Variants in STON1 observed in about 807,000 individuals in gnomAD.
STON1 encodes the protein stonin-1.
In STON1, 79 loss-of-function variants were observed where a neutral mutation model predicts 60.9. The ratio of observed to expected loss-of-function variants is 1.30; its 90% CI spans 1.08 to 1.56. The LOEUF (loss-of-function observed/expected upper bound fraction) is 1.56. STON1 is among the 40% of genes most tolerant of loss of function. STON1 has a pLI of 0.00. For synonymous variants in STON1, 363 were observed against 306.9 expected (o/e 1.18, Z -1.91); for missense variants, 1,166 against 858.9 (o/e 1.36, Z -4.47).
At chr2:48,583,875 C>CG (rs961371337) in intron 2 of STON1, among the ~76,000 whole-genome samples, 55 of 151,922 alleles carry the variant, frequency 3.6e-4, no homozygotes, top group Non-Finnish European at 6.6e-4. Context: ...CCTCAGCCTC[C>CG]GGAGTAGCTG....
intron 2 of STON1, among the ~76,000 whole-genome samples, chr2:48,588,381 A>T (rs1024004444): frequency 6.6e-6 from 1 of 152,192 alleles, no homozygotes; most frequent in Non-Finnish European, 1.5e-5. Context: ...CGAAAATGGA[A>T]ACTGAATGAA....
intron 2 of STON1, among the ~76,000 whole-genome samples, chr2:48,588,685 T>C (rs1300958119): frequency 1.3e-5 from 2 of 152,222 alleles, no homozygotes; most frequent in African/African-American, 4.8e-5. Context: ...TATGTTCTAA[T>C]TATAAAACTT....
intron 1 of STON1, among the ~76,000 whole-genome samples, chr2:48,566,393 C>G (rs1413122332): frequency 2.6e-5 from 4 of 152,180 alleles, no homozygotes; most frequent in Non-Finnish European, 4.4e-5. Flanking sequence ...TCAGGCTGGT[C>G]TCGATCTTCT....
chr2:48,593,520 C>A (rs1328569152), intron 3 of STON1, among the ~76,000 whole-genome samples: 1 of 152,230 alleles, frequency 6.6e-6, no homozygotes, highest in African/African-American at 2.4e-5. Context: ...CTGTCTTTCA[C>A]ATGAGCAACA....
intron 1 of STON1, among the ~76,000 whole-genome samples, chr2:48,533,391 GAAAA>G (rs890517590): frequency 1.4e-5 from 2 of 147,824 alleles, no homozygotes; most frequent in Non-Finnish European, 3.0e-5. Context: ...GAAAAGAAAA[GAAAA>G]AAAAAGATGT....
At position 48,581,625 on chromosome 2, in the gene STON1, C is replaced by G; in HGVS notation, c.992C>G (p.Ser331Cys). 1.2e-6 allele frequency: 2 copies of G among 1,614,186 alleles called. No individual in the cohort carries two copies. The highest frequency in any genetic ancestry group is 2.2e-5 in the East Asian group (1 of 44,894). Residue 331 changes from serine (S) to cysteine (C), a missense_variant, in exon 2 of 4, where the codon TCT becomes TGT. Ser to Cys is a moderately radical substitution (Grantham distance 112, BLOSUM62 -1). Coordinates refer to ENST00000404752, the MANE Select transcript of STON1 (RefSeq NM_006873.4). ...EIQLDPYCRLSEPKVENFSVA... is the reference protein window; with the variant it reads ...EIQLDPYCRLCEPKVENFSVA... ...CAGCTTGATCCATATTGTAGGCTTT[C>G]TGAACCCAAGGTTGAGAACTTCAGT...
rs187808867 is a variant in STON1 at position 48,597,944 on chromosome 2, G to A, written c.*2642G>A. 5.9e-5 allele frequency: 9 copies of A among 152,192 alleles called. No individual in the cohort carries two copies. Among genetic ancestry groups the A allele is most frequent in the Non-Finnish European group, 1.2e-4 (8 of 68,010 alleles). 9.4% of individuals were successfully genotyped at this position (152,192 alleles called of 1,614,324 possible). A position where few individuals can be genotyped will look rare whatever the true frequency, so the allele number is the denominator to read the frequency against. ...ACCCTTGCTTTTAGGGGAGGGAAGC[G>A]GGGAAGGAAAGGAATGAGGGAGGAA... On this transcript the variant is annotated 3_prime_UTR_variant, in exon 4 of 4. Coordinates refer to ENST00000404752, the MANE Select transcript of STON1 (RefSeq NM_006873.4).
chr2:48,533,613 G>C (rs1317790143), intron 1 of STON1, among the ~76,000 whole-genome samples: 2 of 129,784 alleles, frequency 1.5e-5, no homozygotes, highest in Admixed American at 1.8e-4. Context: ...AGGGAGCCAA[G>C]ATTGTGCCAC....
intron 2 of STON1, among the ~76,000 whole-genome samples, chr2:48,587,379 A>G (rs1674270905): frequency 6.6e-6 from 1 of 151,960 alleles, no homozygotes; most frequent in African/African-American, 2.4e-5. Context: ...TGCAACCTCC[A>G]CCTCCTGTGT....
chr2:48,595,314 G>GT lies in STON1; in HGVS notation c.*15dup. 6.2e-7 allele frequency: 1 copy of GT among 1,609,630 alleles called. No individual in the cohort carries two copies. The highest frequency in any genetic ancestry group is 8.5e-7 in the Non-Finnish European group (1 of 1,176,124). On this transcript the variant is annotated 3_prime_UTR_variant, in exon 4 of 4. Transcript: ENST00000404752. ...GCATAACTCAGTAGGAGTAGCAAGA[G>GT]TTTATGATGACAGCCCACTTGTCAA...
In STON1 at chr2:48,581,144, C is replaced by A. The variant is rs202246718; in HGVS notation, c.511C>A (p.Pro171Thr). The change falls in exon 2 of 4, where the codon CCC becomes ACC. Residue 171 changes from proline (P) to threonine (T), a missense_variant. Transcript: ENST00000404752. The stretch of plus-strand genomic sequence containing the variant: ...CCTAGGATTCCAAAGTGATGATCTC[C>A]CCCAGTTTCAGTATTTTCGAGAGGA... The part of the protein sequence containing the change: ...ESLGFQSDDL[P>T]QFQYFREDCA... The A allele has an allele frequency of 5.8e-5, 91 of 1,569,488 alleles. No homozygotes were observed. The highest frequency in any genetic ancestry group is 1.4e-5 in the African/African-American group (1 of 72,876).
chr2:48,530,630 T>C, intron 1 of STON1: 1 of 153,184 alleles, frequency 6.5e-6, no homozygotes, highest in Non-Finnish European at 1.5e-5. Context: ...GGTCTCTGTG[T>C]CTCTCTCCCG....
intron 1 of STON1, among the ~76,000 whole-genome samples, chr2:48,553,176 G>A (rs1187060113): frequency 6.6e-6 from 1 of 152,188 alleles, no homozygotes; most frequent in Admixed American, 6.5e-5. Context: ...GCGCCCACCA[G>A]ATCCAAGAGG....
intron 1 of STON1, among the ~76,000 whole-genome samples, chr2:48,548,312 C>T (rs1021561298): frequency 1.3e-5 from 2 of 152,176 alleles, no homozygotes; most frequent in African/African-American, 4.8e-5. Flanking sequence ...TGGGAGACTT[C>T]CTTTCCTTCC....
rs1558605668 is a variant in STON1 at position 48,564,568 on chromosome 2, TC to T, written c.-47-16017del. Among the ~76,000 whole-genome samples, 18 of 60,230 alleles carry T rather than the reference TC, an allele frequency of 3.0e-4. 2 individuals are homozygous for T. Among genetic ancestry groups the T allele is most frequent in the Non-Finnish European group, 6.1e-4 (18 of 29,614 alleles). The allele number at this position is 60,230 out of a possible 152,430, so 39.5% of individuals were successfully genotyped here. A position where few individuals can be genotyped will look rare whatever the true frequency, so the allele number is the denominator to read the frequency against. Reference sequence around the variant, plus strand: ...CTTCTTCTTCTTCTTCTTCTTCTTCTCCTTCTCCTTCTCCTCCTCCTCCTCC... The same window carrying T: ...CTTCTTCTTCTTCTTCTTCTTCTTCTCTTCTCCTTCTCCTCCTCCTCCTCC... On this transcript the variant is annotated intron_variant, in intron 1 of 3. Coordinates refer to ENST00000404752, the MANE Select transcript of STON1 (RefSeq NM_006873.4).
chr2:48,580,941 A>G lies in STON1; in HGVS notation c.308A>G (p.Tyr103Cys), dbSNP rs371625851. 12 of 1,596,704 alleles carry G rather than the reference A, an allele frequency of 7.5e-6. No homozygotes were observed. In the African/African-American group the frequency reaches 1.6e-4, roughly 22 times the overall value. ...CCCAAAGCAGGGACTCATGTGCTTT[A>G]TCCTATTCCAGAATCATCTTCAGAC... ...GIPKAGTHVLYPIPESSSDSP... is the reference protein window; with the variant it reads ...GIPKAGTHVLCPIPESSSDSP... Residue 103 changes from tyrosine (Y) to cysteine (C), a missense_variant, in exon 2 of 4, where the codon TAT becomes TGT. By Grantham distance (194) the Tyr-to-Cys change is radical (BLOSUM62 -2). Coordinates refer to ENST00000404752, the MANE Select transcript of STON1 (RefSeq NM_006873.4).
chr2:48,533,941 G>C (rs566897008), intron 1 of STON1, among the ~76,000 whole-genome samples: 75 of 151,894 alleles, frequency 4.9e-4, no homozygotes, highest in African/African-American at 1.6e-3. Flanking sequence ...GGCTAATTTT[G>C]TATTTTTAGT....
At chr2:48,594,649 G>A (rs1470871758) in intron 3 of STON1, among the ~76,000 whole-genome samples, 1 of 152,174 alleles carries the variant, frequency 6.6e-6, no homozygotes, top group Non-Finnish European at 1.5e-5. Flanking sequence ...AGTGACTGGA[G>A]GGCTTTATCA....
Position 48,593,240 on chromosome 2 carries a change from C to T in STON1, c.2133+1385C>T, listed in dbSNP as rs569449895. 5.3e-5 allele frequency among the ~76,000 whole-genome samples: 8 copies of T among 152,118 alleles called. No individual in the cohort carries two copies. The East Asian group carries it at 7.7e-4, about 15-fold the overall frequency. ...AAGTAATTCTCCTGCCTCAGCCTCC[C>T]GAGTAGCTGGGATTACAGGTGCCTG... is the stretch of plus-strand genomic sequence containing the variant. On this transcript the variant is annotated intron_variant, in intron 3 of 3. Transcript: ENST00000404752.
Sources: gnomAD v4.1 joint callset for allele counts (sites outside exome capture counted in the v4.1 genomes callset) on GRCh38, gnomAD v4.1.1 for gene constraint, MANE v1.5 for transcripts, NCBI Gene and HGNC (gene_info 2026-07-23, HGNC 2026-07-21) for gene names.